AACS: variants seen among roughly 807,000 people sequenced by gnomAD.
AACS encodes acetoacetyl-CoA synthetase, also known as acetoacetate-CoA ligase.
AACS carries 69 observed loss-of-function variants against 83.1 expected under a neutral mutation model. The observed-to-expected ratio is 0.83, with a 90% CI of 0.68 to 1.01. AACS has a LOEUF of 1.01. Among genes scored for constraint, AACS ranks in the 50% least tolerant of loss-of-function variants. AACS has a pLI of 0.00. For synonymous variants in AACS, 333 were observed against 343.4 expected (o/e 0.97, Z 0.33); for missense variants, 866 against 882.2 (o/e 0.98, Z 0.23).
chr12:125,102,910 C>G (rs1380712568), intron 6 of AACS, 90 bp from the exon 7 acceptor site: 1 of 1,453,544 alleles, frequency 6.9e-7, no homozygotes, highest in East Asian at 2.3e-5. Context: ...ATTCTCTGCC[C>G]CAGATTGTGT....
In AACS at chr12:125,129,109, A is replaced by G; in HGVS notation, c.1424-226A>G. On this transcript the variant is annotated intron_variant, in intron 13 of 17. Transcript: ENST00000316519. This position sits in a 1 kb window ranked among gnomAD's most constrained non-coding sequence, Gnocchi z 4.3. ...TTAACACACATGGGAATAACAAATC[A>G]CTACGTCCGAGACAGCGATTTTGGG... The G allele has an allele frequency of 2.2e-6, 1 of 450,500 alleles. No homozygotes were observed. Among genetic ancestry groups the G allele is most frequent in the Non-Finnish European group, 3.9e-6 (1 of 259,390 alleles). The allele number at this position is 450,500 out of a possible 1,614,324, so 27.9% of individuals were successfully genotyped here.
In AACS at chr12:125,086,375, G is replaced by T. The variant is rs201804457; in HGVS notation, c.404G>T (p.Arg135Met). 4 of 1,614,200 alleles carry T rather than the reference G, an allele frequency of 2.5e-6. No individual in the cohort carries two copies. In the Admixed American group the frequency reaches 6.7e-5, roughly 27 times the overall value. The change falls in exon 4 of 18, where the codon AGG becomes ATG. Residue 135 changes from arginine to methionine, a missense_variant. Physicochemically the swap from Arg to Met is moderately conservative, Grantham distance 91 (BLOSUM62 -1). Coordinates refer to ENST00000316519, the MANE Select transcript of AACS (RefSeq NM_023928.5). ...EIVKVTFEEL[R>M]QEVALFAAAM... ...GTGAAGGTGACTTTTGAAGAGCTGA[G>T]GCAAGAAGTGGCTTTGTTTGCAGCA...
chr12:125,133,960 C>G, intron 14 of AACS, 43 bp from the exon 15 acceptor site: 1 of 1,608,932 alleles, frequency 6.2e-7, no homozygotes, highest in Non-Finnish European at 8.5e-7. Context: ...CTGTCATGGC[C>G]CCTTCTCCTC....
At chr12:125,099,778 C>A (rs940766981) in intron 5 of AACS, among the ~76,000 whole-genome samples, 1 of 152,206 alleles carries the variant, frequency 6.6e-6, no homozygotes, top group Admixed American at 6.5e-5. Flanking sequence ...CGGGCTCAAG[C>A]GATTCTCCTG....
chr12:125,087,148 G>A (rs182380529), intron 4 of AACS, among the ~76,000 whole-genome samples: 4 of 152,226 alleles, frequency 2.6e-5, no homozygotes, highest in African/African-American at 9.6e-5. Context: ...GTGCTGGTCC[G>A]TTCTGACGCC....
intron 4 of AACS, among the ~76,000 whole-genome samples, chr12:125,090,105 C>T (rs1210475090): frequency 6.6e-6 from 1 of 150,988 alleles, no homozygotes; most frequent in Non-Finnish European, 1.5e-5. Context: ...ATTATCTACC[C>T]ATTGATCCAT....
intron 14 of AACS, among the ~76,000 whole-genome samples, chr12:125,132,479 C>T (rs770187148): frequency 1.3e-5 from 2 of 152,190 alleles, no homozygotes; most frequent in Non-Finnish European, 2.9e-5. Context: ...TTGCAGCTCT[C>T]ATCTTCCAGG....
At chr12:125,128,606 C>T (rs938356672) in intron 13 of AACS, 1 of 194,774 alleles carries the variant, frequency 5.1e-6, no homozygotes, top group African/African-American at 2.3e-5. Context: ...TTCTGAGAAC[C>T]TGGTCATTGA....
In AACS at chr12:125,142,897, G is replaced by A. The variant is rs904354839; in HGVS notation, c.*668G>A. On this transcript the variant is annotated 3_prime_UTR_variant, in exon 18 of 18. Coordinates refer to ENST00000316519, the MANE Select transcript of AACS (RefSeq NM_023928.5). ...GATCTCTTTATTGCACAGACTGAAT[G>A]GCTTTACATGTTTCTAATGTGAATT... The A allele has an allele frequency of 1.3e-5, 2 of 152,254 alleles. No individual in the cohort carries two copies. Among genetic ancestry groups the A allele is most frequent in the African/African-American group, 4.8e-5 (2 of 41,450 alleles). 9.4% of individuals were successfully genotyped at this position (152,254 alleles called of 1,614,324 possible). A position where few individuals can be genotyped will look rare whatever the true frequency, so the allele number is the denominator to read the frequency against.
At chr12:125,102,908 C>A in intron 6 of AACS, 92 bp from the exon 7 acceptor site, 1 of 1,441,858 alleles carries the variant, frequency 6.9e-7, no homozygotes, top group Non-Finnish European at 9.6e-7. Flanking sequence ...ATATTCTCTG[C>A]CCCAGATTGT....
In AACS at chr12:125,113,986, C is replaced by T. The variant is rs1957001001; in HGVS notation, c.916-491C>T. Among the ~76,000 whole-genome samples, 1 of 152,118 alleles carries T rather than the reference C, an allele frequency of 6.6e-6. No homozygotes were observed. Among genetic ancestry groups the T allele is most frequent in the Non-Finnish European group, 1.5e-5 (1 of 68,020 alleles). On this transcript the variant is annotated intron_variant, in intron 8 of 17. Coordinates refer to ENST00000316519, the MANE Select transcript of AACS (RefSeq NM_023928.5). The surrounding 1 kb of genome is among the most constrained non-coding windows in gnomAD (Gnocchi z 4.8). ...AGCTGAGGCATTCCTGAAATCCGAT[C>T]TTGAACGTGAGTCCCAGCTACAGTC...
At chr12:125,109,338 A>T (rs1182773232) in intron 8 of AACS, among the ~76,000 whole-genome samples, 2 of 152,000 alleles carry the variant, frequency 1.3e-5, no homozygotes, top group Admixed American at 1.3e-4. Context: ...GCTGGTCATG[A>T]ACTCTTGGGC....
rs35791342 is a variant in AACS at position 125,097,433 on chromosome 12, T to TAAAA, written c.571-5232_571-5229dup. Among the ~76,000 whole-genome samples, 2 of 136,096 alleles carry TAAAA rather than the reference T, an allele frequency of 1.5e-5. No homozygotes were observed. The allele number at this position is 136,096 out of a possible 152,430, so 89.3% of individuals were successfully genotyped here. Reference sequence around the variant, plus strand: ...TGCTGAAGTTGGCCAATGTTTTACTTAAAAAAAAAAAAAAAAAGTGCGTTG... The same window carrying TAAAA: ...TGCTGAAGTTGGCCAATGTTTTACTTAAAAAAAAAAAAAAAAAAAAAGTGCGTTG... On this transcript the variant is annotated intron_variant, in intron 5 of 17. Coordinates refer to ENST00000316519, the MANE Select transcript of AACS (RefSeq NM_023928.5). The surrounding 1 kb of genome is among the most constrained non-coding windows in gnomAD (Gnocchi z 4.3).
chr12:125,070,449 TG>T (rs1303749338), intron 1 of AACS, among the ~76,000 whole-genome samples: 1 of 152,124 alleles, frequency 6.6e-6, no homozygotes, highest in African/African-American at 2.4e-5. Context: ...CAGTGAGCTA[TG>T]ATCATGCCAC....
chr12:125,079,951 G>A (rs1243714987), intron 3 of AACS, among the ~76,000 whole-genome samples: 3 of 152,152 alleles, frequency 2.0e-5, no homozygotes, highest in Admixed American at 1.3e-4. Context: ...TGGATCATAC[G>A]ATATGTGGCC....
At chr12:125,136,348 C>T (rs1957400243) in intron 16 of AACS, among the ~76,000 whole-genome samples, 1 of 152,236 alleles carries the variant, frequency 6.6e-6, no homozygotes, top group African/African-American at 2.4e-5. Context: ...CCATGCCCGG[C>T]CCTCTTTTTT....
intron 4 of AACS, 200 bp from the exon 5 acceptor site, chr12:125,091,226 T>C (rs552121569): frequency 1.3e-5 from 8 of 605,686 alleles, no homozygotes; most frequent in Admixed American, 2.6e-5. Context: ...GCATGGAGAA[T>C]GGATTGCAGG....
intron 13 of AACS, chr12:125,128,720 G>A (rs1957284518): frequency 1.9e-5 from 3 of 156,616 alleles, no homozygotes; most frequent in Non-Finnish European, 4.2e-5. Flanking sequence ...AATGTGGGAG[G>A]AGTCAGTGAA....
At chr12:125,121,665 T>A (rs1266342630) in intron 10 of AACS, 1 of 152,286 alleles carries the variant, frequency 6.6e-6, no homozygotes, top group Non-Finnish European at 1.5e-5. Context: ...GGGGACTTTG[T>A]CCAGTTTGCT....
Sources: gnomAD v4.1 joint callset for allele counts (sites outside exome capture counted in the v4.1 genomes callset) on GRCh38, gnomAD v4.1.1 for gene constraint, Gnocchi (gnomAD v3.1) non-coding constraint, MANE v1.5 for transcripts, NCBI Gene and HGNC (gene_info 2026-07-23, HGNC 2026-07-21) for gene names.